Variants in ADAM11 observed in about 807,000 individuals in gnomAD.
ADAM11 encodes the protein ADAM metallopeptidase domain 11, also known as disintegrin and metalloproteinase domain-containing protein 11.
ADAM11 carries 49 observed loss-of-function variants against 119.1 expected under a neutral mutation model. The observed-to-expected ratio is 0.41, with a 90% CI of 0.33 to 0.52. ADAM11 has a LOEUF of 0.52. Among genes scored for constraint, ADAM11 ranks in the 20% least tolerant of loss-of-function variants. The pLI is 0.20. For synonymous variants in ADAM11, 364 were observed against 408.0 expected, an observed-to-expected ratio of 0.89 and a Z score of 1.30; for missense variants, 777 against 1,047.5, an observed-to-expected ratio of 0.74 and a Z score of 3.56.
rs1218429292 is a variant in ADAM11 at position 44,771,679 on chromosome 17, G to A, written c.467+10G>A. ...CCTGCCAGGGGCTGCAGTGAGTATG[G>A]GGAGGGGCCGGGCAGCTGGGAGAAG... On this transcript the variant is annotated intron_variant, in intron 5 of 26. Coordinates refer to ENST00000200557, the MANE Select transcript of ADAM11 (RefSeq NM_002390.6). 5 of 1,612,276 alleles carry A rather than the reference G, an allele frequency of 3.1e-6. No individual in the cohort carries two copies. In the African/African-American group the frequency reaches 6.7e-5, roughly 22 times the overall value.
chr17:44,772,554 C>T lies in ADAM11; in HGVS notation c.678+88C>T. On this transcript the variant is annotated intron_variant, in intron 8 of 26. Coordinates refer to ENST00000200557, the MANE Select transcript of ADAM11 (RefSeq NM_002390.6). This position sits in a 1 kb window ranked among gnomAD's most constrained non-coding sequence, Gnocchi z 4.5. ...GTGGCCCAGAGCAGGAGGGCACCCT[C>T]ATCTATGGCTGGGGCGAAGGAAGGC... The T allele has an allele frequency of 2.1e-6, 3 of 1,462,728 alleles. No homozygotes were observed. The highest frequency in any genetic ancestry group is 2.8e-6 in the Non-Finnish European group (3 of 1,080,890). The allele number at this position is 1,462,728 out of a possible 1,614,324, so 90.6% of individuals were successfully genotyped here. A position where few individuals can be genotyped will look rare whatever the true frequency, so the allele number is the denominator to read the frequency against.
At position 44,759,899 on chromosome 17, in the gene ADAM11, T is replaced by C. The variant is rs1026152882; in HGVS notation, c.237+2T>C. On this transcript the variant is annotated splice_donor_variant, in intron 2 of 26. Transcript: ENST00000200557. LOFTEE classifies it high-confidence loss of function. ...CGCCAGGAGCCACCAGGGGGCCCGG[T>C]GAGTGGGGCTGGGTGGTGAGGCCAG... 7.8e-7 allele frequency: 1 copy of C among 1,289,756 alleles called. No individual in the cohort carries two copies. The highest frequency in any genetic ancestry group is 9.9e-7 in the Non-Finnish European group (1 of 1,011,646). The allele number at this position is 1,289,756 out of a possible 1,614,324, so 79.9% of individuals were successfully genotyped here.
At position 44,775,627 on chromosome 17, in the gene ADAM11, T is replaced by A; in HGVS notation, c.1436T>A (p.Leu479Gln). 6.3e-7 allele frequency: 1 copy of A among 1,592,672 alleles called. No homozygotes were observed. The highest frequency in any genetic ancestry group is 8.5e-7 in the Non-Finnish European group (1 of 1,170,762). ...AGGNCCKKCT[L>Q]THDAMCSDGL... ...GGCAACTGCTGCAAGAAATGCACCCTGACTCACGACGCCATGTGCAGCGAC... is the reference window on the plus strand; with the variant it reads ...GGCAACTGCTGCAAGAAATGCACCCAGACTCACGACGCCATGTGCAGCGAC... The change falls in exon 17 of 27, where the codon CTG (leucine) becomes CAG (glutamine). Residue 479 changes from leucine to glutamine, a missense_variant. Coordinates refer to ENST00000200557, the MANE Select transcript of ADAM11 (RefSeq NM_002390.6). The surrounding 1 kb of genome is among the most constrained non-coding windows in gnomAD (Gnocchi z 7.5).
rs1470614632 is a variant in ADAM11, at chr17:44,769,762, C to T, written c.282C>T (p.Asn94=). Residue 94 remains asparagine (N), a synonymous_variant, in exon 3 of 27, where the codon AAC becomes AAT. Coordinates refer to ENST00000200557, the MANE Select transcript of ADAM11 (RefSeq NM_002390.6). ...TGAGTTTCGTCATCCCAGCCTTCAA[C>T]TCAAACTTCACCCTGGACCTGGAGC... ...AQVSFVIPAF[N]SNFTLDLELN... is the part of the protein sequence containing the mutation. The T allele has an allele frequency of 3.1e-6, 5 of 1,614,170 alleles. No individual in the cohort carries two copies. The highest frequency in any genetic ancestry group is 4.2e-6 in the Non-Finnish European group (5 of 1,180,020).
intron 2 of ADAM11, among the ~76,000 whole-genome samples, chr17:44,765,463 A>G (rs933297621): frequency 1.3e-5 from 2 of 152,192 alleles, no homozygotes; most frequent in African/African-American, 2.4e-5. Context: ...GATCCAAAGG[A>G]GTCGTTTATG....
chr17:44,759,206 C>G lies in ADAM11; in HGVS notation c.7C>G (p.Leu3Val), dbSNP rs2049358336. The G allele has an allele frequency of 1.4e-6, 2 of 1,410,436 alleles. No homozygotes were observed. 87.4% of individuals were successfully genotyped at this position (1,410,436 alleles called of 1,614,324 possible). A position where few individuals can be genotyped will look rare whatever the true frequency, so the allele number is the denominator to read the frequency against. Residue 3 changes from leucine (L) to valine (V), a missense_variant, in exon 1 of 27, where the codon CTG becomes GTG. Coordinates refer to ENST00000200557, the MANE Select transcript of ADAM11 (RefSeq NM_002390.6). Reference protein sequence around the residue: MRLLRRWAFAALL... With the variant: MRVLRRWAFAALL... ...CGGGAGGAATGAGCGAGCCATGAGGCTGCTGCGGCGCTGGGCGTTCGCGGC... is the reference window on the plus strand; with the variant it reads ...CGGGAGGAATGAGCGAGCCATGAGGGTGCTGCGGCGCTGGGCGTTCGCGGC...
Position 44,777,684 on chromosome 17 carries a change from C to T in ADAM11, c.1902-11C>T, listed in dbSNP as rs745593907. ...GACAGGGGGCTGAGGCTGGCTGTGT[C>T]ACTTCCCCAGGGGAGGCCACGTGCA... On this transcript the variant is annotated splice_polypyrimidine_tract_variant and intron_variant, in intron 22 of 26. Coordinates refer to ENST00000200557, the MANE Select transcript of ADAM11 (RefSeq NM_002390.6). This position sits in a 1 kb window ranked among gnomAD's most constrained non-coding sequence, Gnocchi z 5.1. The T allele has an allele frequency of 7.4e-6, 12 of 1,613,496 alleles. No individual in the cohort carries two copies. Among genetic ancestry groups the T allele is most frequent in the Non-Finnish European group, 9.3e-6 (11 of 1,179,604 alleles).
intron 2 of ADAM11, among the ~76,000 whole-genome samples, chr17:44,764,310 G>A (rs1037083263): frequency 6.6e-6 from 1 of 152,228 alleles, no homozygotes; most frequent in East Asian, 1.9e-4. Flanking sequence ...TTGTGTTTTC[G>A]TCCTGCAGAA....
At position 44,776,159 on chromosome 17, in the gene ADAM11, C is replaced by T. The variant is rs371609331; in HGVS notation, c.1518C>T (p.Ala506=). The T allele has an allele frequency of 2.4e-5, 38 of 1,613,392 alleles. No homozygotes were observed. The highest frequency in any genetic ancestry group is 2.8e-5 in the Non-Finnish European group (33 of 1,179,908). The stretch of plus-strand genomic sequence containing the variant: ...CACGGGGTGTGTCCTGCCGAGAGGC[C>T]GTGAACGAGTGCGACATCGCGGAGA... The part of the protein sequence containing the change: ...YEPRGVSCRE[A]VNECDIAETC... The change falls in exon 18 of 27, where the codon GCC becomes GCT. Residue 506 remains alanine (A), a synonymous_variant. Coordinates refer to ENST00000200557, the MANE Select transcript of ADAM11 (RefSeq NM_002390.6). The surrounding 1 kb of genome is among the most constrained non-coding windows in gnomAD (Gnocchi z 5.2).
At position 44,776,379 on chromosome 17, in the gene ADAM11, C is replaced by T. The variant is rs988982630; in HGVS notation, c.1566+172C>T. Among the ~76,000 whole-genome samples, 1 of 152,156 alleles carries T rather than the reference C, an allele frequency of 6.6e-6. No homozygotes were observed. The highest frequency in any genetic ancestry group is 2.1e-4 in the South Asian group (1 of 4,836). Reference sequence around the variant, plus strand: ...GAAAGGGGTTCTTCATGCTCCTGGCCTTGTTCCTTCAATCATTAAACCAGA... The same window carrying T: ...GAAAGGGGTTCTTCATGCTCCTGGCTTTGTTCCTTCAATCATTAAACCAGA... On this transcript the variant is annotated intron_variant, in intron 18 of 26. Transcript: ENST00000200557. The surrounding 1 kb of genome is among the most constrained non-coding windows in gnomAD (Gnocchi z 5.2).
In ADAM11 at chr17:44,775,638, G is replaced by A. The variant is rs1307445292; in HGVS notation, c.1447G>A (p.Ala483Thr). 6.3e-7 allele frequency: 1 copy of A among 1,592,180 alleles called. No homozygotes were observed. The highest frequency in any genetic ancestry group is 8.5e-7 in the Non-Finnish European group (1 of 1,170,674). Residue 483 changes from alanine (A) to threonine (T), a missense_variant, in exon 17 of 27, where the codon GCC becomes ACC. Physicochemically the swap from Ala to Thr is moderately conservative, Grantham distance 58. This residue lies in a region of ADAM11 where 348 missense variants were observed against 486.7 expected (regional missense o/e 0.72). Coordinates refer to ENST00000200557, the MANE Select transcript of ADAM11 (RefSeq NM_002390.6). The surrounding 1 kb of genome is among the most constrained non-coding windows in gnomAD (Gnocchi z 7.5). Reference protein sequence around the residue: ...CCKKCTLTHDAMCSDGLCCRR... With the variant: ...CCKKCTLTHDTMCSDGLCCRR... Reference sequence around the variant, plus strand: ...CAAGAAATGCACCCTGACTCACGACGCCATGTGCAGCGACGGGCTCTGCTG... The same window carrying A: ...CAAGAAATGCACCCTGACTCACGACACCATGTGCAGCGACGGGCTCTGCTG...
rs560831535 is a variant in ADAM11 at position 44,779,929 on chromosome 17, C to T, written c.*175C>T. On this transcript the variant is annotated 3_prime_UTR_variant, in exon 27 of 27. Coordinates refer to ENST00000200557, the MANE Select transcript of ADAM11 (RefSeq NM_002390.6). ...GCTGTGGCCCTGCCCTTGGCACCAC[C>T]AGGGTGGACCAGGCCTGGAGGGCAC... is the stretch of plus-strand genomic sequence containing the variant. 4 of 912,054 alleles carry T rather than the reference C, an allele frequency of 4.4e-6. No homozygotes were observed. The highest frequency in any genetic ancestry group is 5.2e-5 in the East Asian group (2 of 38,118). 56.5% of individuals were successfully genotyped at this position (912,054 alleles called of 1,614,324 possible). A position where few individuals can be genotyped will look rare whatever the true frequency, so the allele number is the denominator to read the frequency against.
intron 26 of ADAM11, 163 bp from the exon 27 acceptor site, chr17:44,779,576 C>T (rs2049663274): frequency 2.0e-6 from 2 of 985,306 alleles, no homozygotes; most frequent in Admixed American, 1.2e-4. Context: ...TCTGTTTTGT[C>T]TTCCATATCA....
In ADAM11 at chr17:44,777,645, G is replaced by T. The variant is rs1197679821; in HGVS notation, c.1901+44G>T. 1 of 1,613,778 alleles carries T rather than the reference G, an allele frequency of 6.2e-7. No individual in the cohort carries two copies. Among genetic ancestry groups the T allele is most frequent in the Non-Finnish European group, 8.5e-7 (1 of 1,179,820 alleles). On this transcript the variant is annotated intron_variant, in intron 22 of 26. Coordinates refer to ENST00000200557, the MANE Select transcript of ADAM11 (RefSeq NM_002390.6). This position sits in a 1 kb window ranked among gnomAD's most constrained non-coding sequence, Gnocchi z 5.1. ...ACTAGGGAGGGGAGGTTGCAGCTGTGCTGGGGGTTAGGAGACAGGGGGCTG... is the reference window on the plus strand; with the variant it reads ...ACTAGGGAGGGGAGGTTGCAGCTGTTCTGGGGGTTAGGAGACAGGGGGCTG...
Position 44,759,750 on chromosome 17 carries a change from T to G in ADAM11, c.90T>G (p.Ala30=). The G allele has an allele frequency of 7.5e-7, 1 of 1,325,348 alleles. No individual in the cohort carries two copies. The highest frequency in any genetic ancestry group is 9.7e-7 in the Non-Finnish European group (1 of 1,030,104). 82.1% of individuals were successfully genotyped at this position (1,325,348 alleles called of 1,614,324 possible). Residue 30 remains alanine (A), a synonymous_variant, in exon 2 of 27, where the codon GCT becomes GCG. Transcript: ENST00000200557. ...TTGGGACCCAAGGTCCTGCTGGAGC[T>G]CTGCGATGGGGGGGCTTACCCCAGC... The part of the protein sequence containing the change: ...PGLGTQGPAG[A]LRWGGLPQLG...
chr17:44,763,608 G>T (rs1488629497), intron 2 of ADAM11, among the ~76,000 whole-genome samples: 2 of 152,228 alleles, frequency 1.3e-5, no homozygotes, highest in Non-Finnish European at 2.9e-5. Flanking sequence ...GTCCAGTTGG[G>T]CTGGTTGTTC....
rs778009942 is a variant in ADAM11, at chr17:44,777,676, G to C, written c.1902-19G>C. On this transcript the variant is annotated intron_variant, in intron 22 of 26. Transcript: ENST00000200557. This position sits in a 1 kb window ranked among gnomAD's most constrained non-coding sequence, Gnocchi z 5.1. Reference sequence around the variant, plus strand: ...GGTTAGGAGACAGGGGGCTGAGGCTGGCTGTGTCACTTCCCCAGGGGAGGC... The same window carrying C: ...GGTTAGGAGACAGGGGGCTGAGGCTCGCTGTGTCACTTCCCCAGGGGAGGC... 2.4e-5 allele frequency: 38 copies of C among 1,613,278 alleles called. No individual in the cohort carries two copies. Among genetic ancestry groups the C allele is most frequent in the Non-Finnish European group, 3.2e-5 (38 of 1,179,522 alleles).
chr17:44,759,762 G>A lies in ADAM11; in HGVS notation c.102G>A (p.Gly34=). 7.5e-7 allele frequency: 1 copy of A among 1,325,278 alleles called. No homozygotes were observed. The highest frequency in any genetic ancestry group is 1.5e-5 in the African/African-American group (1 of 66,636). 82.1% of individuals were successfully genotyped at this position (1,325,278 alleles called of 1,614,324 possible). The stretch of plus-strand genomic sequence containing the variant: ...GTCCTGCTGGAGCTCTGCGATGGGG[G>A]GGCTTACCCCAGCTGGGAGGCCCAG... The part of the protein sequence containing the change: ...TQGPAGALRW[G]GLPQLGGPGA... The change falls in exon 2 of 27, where the codon GGG becomes GGA. Residue 34 remains glycine, a synonymous_variant. Coordinates refer to ENST00000200557, the MANE Select transcript of ADAM11 (RefSeq NM_002390.6).
In ADAM11 at chr17:44,769,781, C is replaced by G. The variant is rs1393564975; in HGVS notation, c.301C>G (p.Leu101Val). The G allele has an allele frequency of 2.2e-5, 36 of 1,614,110 alleles. No individual in the cohort carries two copies. Among genetic ancestry groups the G allele is most frequent in the Non-Finnish European group, 3.1e-5 (36 of 1,179,958 alleles). The change falls in exon 3 of 27, where the codon CTG becomes GTG. Residue 101 changes from leucine (L) to valine (V), a missense_variant. This residue lies in a region of ADAM11 where 278 missense variants were observed against 310.1 expected (regional missense o/e 0.90). Coordinates refer to ENST00000200557, the MANE Select transcript of ADAM11 (RefSeq NM_002390.6). ...CTTCAACTCAAACTTCACCCTGGAC[C>G]TGGAGCTGAACCAGTGAGTGTGGCC... ...PAFNSNFTLD[L>V]ELNHHLLSSQ...
Sources: allele counts gnomAD v4.1 joint callset (sites outside exome capture counted in the v4.1 genomes callset), GRCh38; gene constraint gnomAD v4.1.1; regional missense constraint gnomAD v4.1.1; non-coding constraint Gnocchi (gnomAD v3.1); transcripts MANE v1.5; gene names NCBI Gene and HGNC (gene_info 2026-07-23, HGNC 2026-07-21).